The following C1orf87 variants were observed in gnomAD, a reference collection of about 807,000 sequenced individuals.
C1orf87 encodes chromosome 1 open reading frame 87, also known as uncharacterized protein C1orf87.
A neutral mutation model predicts 60.5 loss-of-function variants in C1orf87; 58 were observed. That is an observed-to-expected ratio of 0.96 (90% CI 0.78 to 1.19). The LOEUF (loss-of-function observed/expected upper bound fraction) is 1.19, where lower values mean the gene tolerates loss of function less well. Among genes scored for constraint, C1orf87 ranks in the 50% most tolerant of loss-of-function variants. The pLI is 0.00. For synonymous variants in C1orf87, 236 were observed against 227.4 expected, an observed-to-expected ratio of 1.04 and a Z score of -0.34; for missense variants, 673 against 638.6, an observed-to-expected ratio of 1.05 and a Z score of -0.58.
chr1:60,003,204 A>T (rs1420639867), intron 9 of C1orf87, among the ~76,000 whole-genome samples: 1 of 148,464 alleles, frequency 6.7e-6, no homozygotes, highest in Non-Finnish European at 1.5e-5. Context: ...CATCATTCTC[A>T]GTAAACTATC....
At chr1:60,020,840 G>A (rs1645158245) in intron 8 of C1orf87, among the ~76,000 whole-genome samples, 1 of 152,092 alleles carries the variant, frequency 6.6e-6, no homozygotes, top group Non-Finnish European at 1.5e-5. Flanking sequence ...CATGAGATTT[G>A]GGAGGACCTG....
At chr1:60,015,046 G>A (rs981048475) in intron 8 of C1orf87, among the ~76,000 whole-genome samples, 15 of 152,148 alleles carry the variant, frequency 9.9e-5, no homozygotes, top group African/African-American at 3.4e-4. Flanking sequence ...GGAGGATTAC[G>A]GAAGAGGCCT....
In C1orf87 at chr1:60,041,123, A is replaced by G. The variant is rs769614919; in HGVS notation, c.351T>C (p.Ser117=). The G allele has an allele frequency of 1.3e-6, 2 of 1,577,320 alleles. No individual in the cohort carries two copies. Among genetic ancestry groups the G allele is most frequent in the Admixed American group, 3.4e-5 (2 of 58,388 alleles). Residue 117 remains serine, a synonymous_variant, in exon 4 of 12, where the codon AGT becomes AGC. Transcript: ENST00000371201. ...CAGAGCTGCAGTGGACATTTGCTTG[A>G]CTGGGAATCTTAACAGAACAAGGAC... The part of the protein sequence containing the change: ...SSRFLDGNIP[S]QANVHCSSVP...
rs1287419583 is a variant in C1orf87 at position 60,010,404 on chromosome 1, C to T, written c.1180G>A (p.Asp394Asn). The T allele has an allele frequency of 6.2e-7, 1 of 1,612,260 alleles. No individual in the cohort carries two copies. ...TAATGGAACTCACCTGTAGGCAAAT[C>T]AGATAACAAATCAGAAGAAGCTCTG... Reference protein sequence around the residue: ...LTRASSDLLSDLPTGKNEKKA... With the variant: ...LTRASSDLLSNLPTGKNEKKA... Residue 394 changes from aspartate to asparagine, a missense_variant, in exon 9 of 12, where the codon GAT becomes AAT. Transcript: ENST00000371201.
intron 2 of C1orf87, 80 bp from the exon 3 acceptor site, chr1:60,055,518 G>T: frequency 1.6e-6 from 2 of 1,263,914 alleles, no homozygotes; most frequent in Non-Finnish European, 2.3e-6. Context: ...CAGAAGGTGT[G>T]TTTGGTGTTG....
intron 9 of C1orf87, chr1:60,008,506 T>C (rs963960817): frequency 4.3e-6 from 1 of 231,044 alleles, no homozygotes; most frequent in African/African-American, 2.3e-5. Context: ...AAAGAGGTGA[T>C]TAAGTAAAAA....
At chr1:59,990,858 A>G (rs757329743) in intron 11 of C1orf87, 25 bp from the exon 12 acceptor site, 9 of 1,608,968 alleles carry the variant, frequency 5.6e-6, no homozygotes, top group Non-Finnish European at 5.9e-6. Context: ...GGTAGGAGGA[A>G]GGTTTTTTAA....
chr1:60,045,039 T>C (rs983743001), intron 3 of C1orf87, among the ~76,000 whole-genome samples: 1 of 152,222 alleles, frequency 6.6e-6, no homozygotes, highest in African/African-American at 2.4e-5. Context: ...AATAAAACTA[T>C]TTTTGAGTGT....
At chr1:60,067,936 C>G (rs1645559719) in intron 2 of C1orf87, among the ~76,000 whole-genome samples, 1 of 152,112 alleles carries the variant, frequency 6.6e-6, no homozygotes, top group African/African-American at 2.4e-5. Context: ...CTGTTTTCAG[C>G]ACATGGCTAG....
chr1:60,001,141 T>G lies in C1orf87; in HGVS notation c.1208A>C (p.Lys403Thr). The G allele has an allele frequency of 6.3e-7, 1 of 1,584,994 alleles. No homozygotes were observed. Among genetic ancestry groups the G allele is most frequent in the Admixed American group, 1.9e-5 (1 of 52,682 alleles). The change falls in exon 10 of 12, where the codon AAA (lysine) becomes ACA (threonine). Residue 403 changes from lysine to threonine, a missense_variant. Physicochemically the swap from Lys to Thr is moderately conservative, Grantham distance 78. Coordinates refer to ENST00000371201, the MANE Select transcript of C1orf87 (RefSeq NM_152377.3). ...AGGCTCCATTGGAGGGGCAGGGGCT[T>G]TCTTTTCATTCTTCCCTGAACAAGA... ...SDLPTGKNEK[K>T]APAPPMEPEV...
chr1:60,018,942 G>C (rs117593326), intron 8 of C1orf87, among the ~76,000 whole-genome samples: 1 of 152,172 alleles, frequency 6.6e-6, no homozygotes, highest in African/African-American at 2.4e-5. Context: ...CATGAGGAAA[G>C]GGGCTTTGTT....
In C1orf87 at chr1:59,990,528, A is replaced by C; in HGVS notation, c.*145T>G. The C allele has an allele frequency of 1.0e-6, 1 of 973,588 alleles. No homozygotes were observed. Among genetic ancestry groups the C allele is most frequent in the Admixed American group, 2.3e-5 (1 of 43,462 alleles). 60.3% of individuals were successfully genotyped at this position (973,588 alleles called of 1,614,324 possible). A position where few individuals can be genotyped will look rare whatever the true frequency, so the allele number is the denominator to read the frequency against. ...GAGTGAGCATCATAGCCAGAAACTA[A>C]GTCCAAATCAAAAGCATCTACAATA... On this transcript the variant is annotated 3_prime_UTR_variant, in exon 12 of 12. Transcript: ENST00000371201.
chr1:60,038,851 G>A (rs1245640498), intron 5 of C1orf87, among the ~76,000 whole-genome samples: 1 of 152,164 alleles, frequency 6.6e-6, no homozygotes, highest in Non-Finnish European at 1.5e-5. Context: ...TGCCATCCTA[G>A]GGACTCTGGT....
At chr1:59,996,997 T>G (rs1189507867) in intron 11 of C1orf87, among the ~76,000 whole-genome samples, 1 of 152,176 alleles carries the variant, frequency 6.6e-6, no homozygotes, top group Non-Finnish European at 1.5e-5. Context: ...TTGGCCTAGA[T>G]CTGTCTGGGA....
At chr1:60,065,783 G>C (rs1645542110) in intron 2 of C1orf87, among the ~76,000 whole-genome samples, 1 of 152,060 alleles carries the variant, frequency 6.6e-6, no homozygotes, top group Admixed American at 6.6e-5. Flanking sequence ...ACAGAATATG[G>C]GCTTTAGGAG....
In C1orf87 at chr1:59,997,785, C is replaced by G; in HGVS notation, c.1304G>C (p.Ser435Thr). 1 of 1,613,780 alleles carries G rather than the reference C, an allele frequency of 6.2e-7. No individual in the cohort carries two copies. The change falls in exon 11 of 12, where the codon AGC becomes ACC. Residue 435 changes from serine to threonine, a missense_variant. Transcript: ENST00000371201. Reference protein sequence around the residue: ...KTPEEELQPESSPAETSACKD... With the variant: ...KTPEEELQPETSPAETSACKD... ...GCAGGCTGAAGTTTCAGCAGGAGAG[C>G]TTTCTGGCTGCAGCTCCTCTTCTGG...
chr1:60,032,692 G>T (rs1197372518), intron 7 of C1orf87, among the ~76,000 whole-genome samples: 1 of 151,938 alleles, frequency 6.6e-6, no homozygotes, highest in Non-Finnish European at 1.5e-5. Context: ...ATCTGCCTCG[G>T]CGTCCCAAAG....
intron 1 of C1orf87, among the ~76,000 whole-genome samples, chr1:60,073,326 G>A (rs1391545301): frequency 1.3e-5 from 2 of 152,166 alleles, no homozygotes; most frequent in African/African-American, 4.8e-5. Context: ...GGCCACAGCT[G>A]AACACTCCCT....
chr1:60,052,307 A>G (rs1346169101), intron 3 of C1orf87, among the ~76,000 whole-genome samples: 1 of 151,974 alleles, frequency 6.6e-6, no homozygotes, highest in Non-Finnish European at 1.5e-5. Flanking sequence ...GGCAGAGCTG[A>G]TAATTCTGAG....
Sources: gnomAD v4.1 joint callset for allele counts (sites outside exome capture counted in the v4.1 genomes callset) on GRCh38, gnomAD v4.1.1 for gene constraint, MANE v1.5 for transcripts, NCBI Gene and HGNC (gene_info 2026-07-23, HGNC 2026-07-21) for gene names.